Variants in SOX5 observed in about 807,000 individuals in gnomAD.
The protein encoded by SOX5 is transcription factor SOX-5.
Under a neutral mutation model 92.0 loss-of-function variants are expected in SOX5, and 9 were observed. The ratio of observed to expected loss-of-function variants is 0.10; its 90% confidence interval spans 0.06 to 0.17. The LOEUF (loss-of-function observed/expected upper bound fraction) is 0.17, where lower values mean the gene tolerates loss of function less well. SOX5 is among the 10% of genes least tolerant of loss of function. SOX5 has a pLI of 1.00. For missense variants in SOX5, 642 were observed against 944.5 expected, an observed-to-expected ratio of 0.68 and a Z score of 4.20; for synonymous variants, 344 against 336.3, an observed-to-expected ratio of 1.02 and a Z score of -0.25.
At chr12:24,063,696 C>T (rs890009580) in intron 4 of SOX5, among the ~76,000 whole-genome samples, 3 of 152,070 alleles carry the variant, frequency 2.0e-5, no homozygotes, top group African/African-American at 7.2e-5. Flanking sequence ...ATATACCTGT[C>T]ACAGGTGAAG....
intron 1 of SOX5, among the ~76,000 whole-genome samples, chr12:24,463,758 G>T (rs1421356299): frequency 6.6e-6 from 1 of 152,084 alleles, no homozygotes. Flanking sequence ...TCATTCACTC[G>T]CCACAATTTT....
At chr12:23,750,310 T>C (rs1234209123) in intron 4 of SOX5, among the ~76,000 whole-genome samples, 2 of 151,914 alleles carry the variant, frequency 1.3e-5, no homozygotes, top group Non-Finnish European at 2.9e-5. Flanking sequence ...ACGCAGTGCC[T>C]GTAAGAAGAT....
intron 2 of SOX5, among the ~76,000 whole-genome samples, chr12:24,287,271 A>C (rs1354986430): frequency 6.6e-6 from 1 of 152,258 alleles, no homozygotes; most frequent in Non-Finnish European, 1.5e-5. Context: ...AAACACATGT[A>C]ACATCAGAAA....
intron 2 of SOX5, among the ~76,000 whole-genome samples, chr12:24,355,521 T>TA (rs1380927147): frequency 6.6e-6 from 1 of 151,982 alleles, no homozygotes; most frequent in Admixed American, 6.6e-5. Context: ...ATGGGCATTT[T>TA]AAAATGCCTT....
intron 4 of SOX5, among the ~76,000 whole-genome samples, chr12:24,167,134 A>G (rs1221219812): frequency 1.3e-5 from 2 of 152,224 alleles, no homozygotes; most frequent in East Asian, 3.8e-4. Flanking sequence ...TGTCTGTGTA[A>G]TACGACAAGG....
In SOX5 at chr12:24,432,447, T is replaced by A. The variant is rs1553673; in HGVS notation, c.-250-63808A>T. 4.6e-3 allele frequency among the ~76,000 whole-genome samples: 704 copies of A among 152,290 alleles called. 11 individuals carry two copies. The East Asian group carries it at 0.051, about 11-fold the overall frequency. ...GGAGAGGAGATGTACATTTATAGTA[T>A]CCTGAATAATAGGATACTATCCCTA... On this transcript the variant is annotated intron_variant, in intron 1 of 4. Coordinates refer to the SOX5 transcript ENST00000446891.
chr12:24,295,708 G>C (rs1279876317), intron 2 of SOX5, among the ~76,000 whole-genome samples: 1 of 151,006 alleles, frequency 6.6e-6, no homozygotes, highest in Non-Finnish European at 1.5e-5. Flanking sequence ...TGGGATTACA[G>C]GCGCACACCA....
At chr12:23,746,819 A>T (rs2093999540) in intron 4 of SOX5, among the ~76,000 whole-genome samples, 1 of 152,006 alleles carries the variant, frequency 6.6e-6, no homozygotes, top group South Asian at 2.1e-4. Flanking sequence ...CACAATTCCC[A>T]TGTGCTGTGG....
In SOX5 at chr12:24,393,572, C is replaced by G. The variant is rs1053111491; in HGVS notation, c.-250-24933G>C. On this transcript the variant is annotated intron_variant, in intron 1 of 4. Coordinates refer to the SOX5 transcript ENST00000446891. This position sits in a 1 kb window ranked among gnomAD's most constrained non-coding sequence, Gnocchi z 5.0. ...TTAGAAATTTACTGTGAAAAACTTA[C>G]AATAAAAACATTAAGTAACTAAGCA... Among the ~76,000 whole-genome samples the G allele has an allele frequency of 2.0e-5, 3 of 152,042 alleles. No homozygotes were observed. The highest frequency in any genetic ancestry group is 7.3e-5 in the African/African-American group (3 of 41,362).
At chr12:24,329,639 T>C (rs1421285000) in intron 2 of SOX5, among the ~76,000 whole-genome samples, 1 of 152,232 alleles carries the variant, frequency 6.6e-6, no homozygotes, top group African/African-American at 2.4e-5. Flanking sequence ...GTCATGGGAA[T>C]ACAAAAGCAT....
intron 4 of SOX5, among the ~76,000 whole-genome samples, chr12:24,137,894 C>A (rs1353992652): frequency 6.6e-6 from 1 of 152,226 alleles, no homozygotes. Context: ...TAGATATGAT[C>A]AAACTCACCC....
At chr12:24,293,484 T>C (rs1160434940) in intron 2 of SOX5, among the ~76,000 whole-genome samples, 3 of 152,232 alleles carry the variant, frequency 2.0e-5, no homozygotes, top group African/African-American at 7.2e-5. Context: ...TACATGGGTA[T>C]GGCTGTATCT....
intron 2 of SOX5, among the ~76,000 whole-genome samples, chr12:24,319,222 C>A (rs934120745): frequency 2.0e-5 from 3 of 152,200 alleles, no homozygotes; most frequent in Admixed American, 6.5e-5. Flanking sequence ...TAAACACGCT[C>A]AAATTTCTAC....
chr12:23,844,311 T>C (rs751190468), intron 3 of SOX5, among the ~76,000 whole-genome samples: 1 of 152,202 alleles, frequency 6.6e-6, no homozygotes, highest in African/African-American at 2.4e-5. Flanking sequence ...ATTGCTTTTG[T>C]ACCATCTTAA....
chr12:24,080,194 A>G lies in SOX5; in HGVS notation c.-2+133149T>C, dbSNP rs567982690. 5.3e-5 allele frequency among the ~76,000 whole-genome samples: 8 copies of G among 152,106 alleles called. No individual in the cohort carries two copies. The South Asian group carries it at 1.7e-3, about 31-fold the overall frequency. ...AAATATGTTTCTGAGAGGACAAAAT[A>G]TCTTGAACTGAAAAGAATGCCTCTG... On this transcript the variant is annotated intron_variant, in intron 4 of 4. Coordinates refer to the SOX5 transcript ENST00000446891.
At chr12:24,128,372 C>T (rs1324764630) in intron 4 of SOX5, among the ~76,000 whole-genome samples, 1 of 152,222 alleles carries the variant, frequency 6.6e-6, no homozygotes, top group African/African-American at 2.4e-5. Flanking sequence ...ATGAAACAGA[C>T]AACTAGTGGG....
At chr12:23,686,202 CT>C (rs1431419434) in intron 6 of SOX5, among the ~76,000 whole-genome samples, 1 of 152,116 alleles carries the variant, frequency 6.6e-6, no homozygotes, top group African/African-American at 2.4e-5. Flanking sequence ...ACTCAATTTA[CT>C]GCAAAATTTA....
intron 3 of SOX5, among the ~76,000 whole-genome samples, chr12:23,832,713 TA>T (rs1224919282): frequency 1.3e-5 from 2 of 151,848 alleles, no homozygotes; most frequent in African/African-American, 2.4e-5. Flanking sequence ...TTTATTATAT[TA>T]ATACAATTAT....
chr12:23,559,628 C>T (rs1030724947), intron 11 of SOX5, among the ~76,000 whole-genome samples: 2 of 152,156 alleles, frequency 1.3e-5, no homozygotes, highest in Non-Finnish European at 2.9e-5. Context: ...TACAGCTTTT[C>T]AGAATTAAGA....
Sources: gnomAD v4.1 joint callset for allele counts (sites outside exome capture counted in the v4.1 genomes callset) on GRCh38, gnomAD v4.1.1 for gene constraint, Gnocchi (gnomAD v3.1) non-coding constraint, MANE v1.5 for transcripts, NCBI Gene and HGNC (gene_info 2026-07-23, HGNC 2026-07-21) for gene names.